The following SYTL4 variants were observed in gnomAD, a reference collection of about 807,000 sequenced individuals.
The protein encoded by SYTL4 is synaptotagmin like 4.
A neutral mutation model predicts 52.7 loss-of-function variants in SYTL4; 16 were observed. The observed-to-expected ratio is 0.30, with a 90% confidence interval of 0.21 to 0.46. SYTL4 has a LOEUF of 0.46. Ranked by LOEUF, SYTL4 falls within the 20% of genes least tolerant of loss-of-function variation. SYTL4 has a pLI of 1.00. For missense variants in SYTL4, 423 were observed against 519.9 expected, an observed-to-expected ratio of 0.81 and a Z score of 1.81; for synonymous variants, 160 against 186.6, an observed-to-expected ratio of 0.86 and a Z score of 1.16.
At chrX:100,716,221 G>A (rs950415702) in intron 2 of SYTL4, among the ~76,000 whole-genome samples, 8 of 107,534 alleles carry the variant, frequency 7.4e-5, no homozygotes, top group African/African-American at 2.4e-4. Flanking sequence ...AGGCCGAGGC[G>A]GGCGGATCAC....
chrX:100,697,148 T>G (rs1308883771), intron 8 of SYTL4, among the ~76,000 whole-genome samples: 1 of 111,700 alleles, frequency 9.0e-6, no homozygotes, highest in Non-Finnish European at 1.9e-5. Context: ...CAGACAAGAC[T>G]GATGCAAAAT....
chrX:100,685,902 CAA>C (rs780380408), intron 16 of SYTL4, 86 bp downstream of exon 16: 1 of 963,035 alleles, frequency 1.0e-6, no homozygotes, highest in South Asian at 3.0e-5. Context: ...AGACTACATT[CAA>C]AGACGCTACC....
At chrX:100,709,338 C>CAA (rs753580673) in intron 2 of SYTL4, among the ~76,000 whole-genome samples, 2 of 80,914 alleles carry the variant, frequency 2.5e-5, no homozygotes. Flanking sequence ...ACAAAAAATA[C>CAA]AAAAAAAAAA....
At chrX:100,715,945 CAAA>C (rs769194042) in intron 2 of SYTL4, among the ~76,000 whole-genome samples, 8 of 53,575 alleles carry the variant, frequency 1.5e-4, no homozygotes, top group Admixed American at 5.0e-4. Flanking sequence ...CTCTCTCTCT[CAAA>C]AAAAAAAAAA....
intron 2 of SYTL4, among the ~76,000 whole-genome samples, chrX:100,723,213 C>G (rs1362565466): frequency 1.8e-5 from 2 of 112,192 alleles, no homozygotes; most frequent in African/African-American, 6.5e-5. Flanking sequence ...TCACTGCAAC[C>G]TCCCTGCCTG....
At chrX:100,682,931 G>A (rs2083403917) in intron 16 of SYTL4, among the ~76,000 whole-genome samples, 2 of 110,648 alleles carry the variant, frequency 1.8e-5, no homozygotes, top group Admixed American at 1.9e-4. Context: ...GCACATAGTA[G>A]GTGCTCCACA....
intron 8 of SYTL4, among the ~76,000 whole-genome samples, chrX:100,698,171 T>C (rs928574698): frequency 2.1e-4 from 23 of 110,944 alleles, no homozygotes; most frequent in South Asian, 8.3e-4. Context: ...GGAGCAATCT[T>C]GGCTCAGTGC....
At chrX:100,717,549 G>A (rs933379425) in intron 2 of SYTL4, among the ~76,000 whole-genome samples, 4 of 113,173 alleles carry the variant, frequency 3.5e-5, no homozygotes, top group Non-Finnish European at 3.7e-5. Context: ...AGAGGCAGGT[G>A]GGGAATCACA....
rs1043774613 is a variant in SYTL4 at position 100,723,469 on chromosome X, A to ACAACCT, written c.-240+7943_-240+7948dup. On this transcript the variant is annotated intron_variant, in intron 2 of 19. Transcript: ENST00000372989. The stretch of plus-strand genomic sequence containing the variant: ...TGCAGTAGCGTGATCTCGGCTCACT[A>ACAACCT]CAACCTCCACCTCCCAGCCGCCTCC... Among the ~76,000 whole-genome samples, 3 of 111,818 alleles carry ACAACCT rather than the reference A, an allele frequency of 2.7e-5. No individual in the cohort carries two copies. In the Admixed American group the frequency reaches 2.8e-4, roughly 11 times the overall value.
At chrX:100,712,311 T>C (rs751001428) in intron 2 of SYTL4, among the ~76,000 whole-genome samples, 23 of 112,361 alleles carry the variant, frequency 2.0e-4, no homozygotes, top group African/African-American at 5.5e-4. Context: ...TAACGATATA[T>C]TGTGAGGTTC....
At chrX:100,723,861 C>A (rs1396916731) in intron 2 of SYTL4, among the ~76,000 whole-genome samples, 1 of 108,612 alleles carries the variant, frequency 9.2e-6, no homozygotes, top group African/African-American at 3.4e-5. Flanking sequence ...CCACCCCGTC[C>A]GGGAGGGAGG....
At chrX:100,704,012 T>A (rs747949124) in intron 3 of SYTL4, among the ~76,000 whole-genome samples, 4 of 112,617 alleles carry the variant, frequency 3.6e-5, no homozygotes, top group Non-Finnish European at 7.5e-5. Context: ...CATTTATATC[T>A]CAAAAAAGAA....
chrX:100,700,799 G>A (rs2083833639), intron 8 of SYTL4, 98 bp downstream of exon 8: 5 of 696,043 alleles, frequency 7.2e-6, no homozygotes, highest in Admixed American at 2.7e-5. Context: ...TTCCTATAAT[G>A]AACATCTATT....
intron 2 of SYTL4, among the ~76,000 whole-genome samples, chrX:100,706,480 C>A (rs759885720): frequency 4.2e-4 from 47 of 112,676 alleles, no homozygotes; most frequent in Admixed American, 1.1e-3. Flanking sequence ...CCAACACTAA[C>A]CCTGTTAACA....
chrX:100,710,790 G>C (rs1230773368), intron 2 of SYTL4, among the ~76,000 whole-genome samples: 1 of 111,964 alleles, frequency 8.9e-6, no homozygotes, highest in East Asian at 2.8e-4. Context: ...ACAGAGCTGA[G>C]AGTCTGGGAA....
At chrX:100,728,404 AAAAC>A (rs1037311735) in intron 2 of SYTL4, among the ~76,000 whole-genome samples, 3 of 112,045 alleles carry the variant, frequency 2.7e-5, no homozygotes, top group African/African-American at 9.8e-5. Context: ...ATCCTGGTAG[AAAAC>A]TAGTTAAGTA....
Position 100,714,309 on chromosome X carries a change from G to T in SYTL4, c.-239-9423C>A, listed in dbSNP as rs150139703. 7.0e-3 allele frequency among the ~76,000 whole-genome samples: 753 copies of T among 107,234 alleles called. 36 individuals are homozygous for T. In the East Asian group the frequency reaches 0.15, roughly 21 times the overall value. 93.1% of individuals were successfully genotyped at this position (107,234 alleles called of 115,157 possible). A position where few individuals can be genotyped will look rare whatever the true frequency, so the allele number is the denominator to read the frequency against. ...TGGAGTCTTGCTGTTGCCCAGGCTG[G>T]AGTGCAGTGGCACGATCTTGGCTCA... is the stretch of plus-strand genomic sequence containing the variant. On this transcript the variant is annotated intron_variant, in intron 2 of 19. Coordinates refer to ENST00000372989, the MANE Select transcript of SYTL4 (RefSeq NM_001370165.1).
Position 100,687,081 on chromosome X carries a change from C to T in SYTL4, c.1170G>A (p.Lys390=). The T allele has an allele frequency of 1.7e-6, 2 of 1,211,372 alleles. No homozygotes were observed. Among genetic ancestry groups the T allele is most frequent in the Admixed American group, 2.2e-5 (1 of 46,006 alleles). Residue 390 remains lysine (K), a synonymous_variant, in exon 14 of 20, where the codon AAG becomes AAA. Coordinates refer to ENST00000372989, the MANE Select transcript of SYTL4 (RefSeq NM_001370165.1). The part of the protein sequence containing the change: ...CHQLAYADEA[K]KRSNPYVKTY... ...GAAGCACTCACGGGTTAGAGCGCTT[C>T]TTGGCTTCATCAGCATAGGCCAGCT... is the stretch of plus-strand genomic sequence containing the variant.
chrX:100,709,863 C>A (rs1465709311), intron 2 of SYTL4, among the ~76,000 whole-genome samples: 1 of 111,869 alleles, frequency 8.9e-6, no homozygotes, highest in Non-Finnish European at 1.9e-5. Context: ...GTTAAACTGT[C>A]TAGACGTCAG....
Sources: gnomAD v4.1 joint callset for allele counts (sites outside exome capture counted in the v4.1 genomes callset) on GRCh38, gnomAD v4.1.1 for gene constraint, MANE v1.5 for transcripts, NCBI Gene and HGNC (gene_info 2026-07-23, HGNC 2026-07-21) for gene names.